SHANK2: variants seen among roughly 807,000 people sequenced by gnomAD.
The protein encoded by SHANK2 is SH3 and multiple ankyrin repeat domains 2.
In SHANK2, 43 loss-of-function variants were observed where a neutral mutation model predicts 133.7. That is an observed-to-expected ratio of 0.32 (90% CI 0.25 to 0.41). The LOEUF (loss-of-function observed/expected upper bound fraction) is 0.41. Among genes scored for constraint, SHANK2 ranks in the 10% least tolerant of loss-of-function variants. The pLI, the probability that SHANK2 is intolerant of heterozygous loss-of-function variation, is 1.00. For synonymous variants in SHANK2, 1,017 were observed against 952.8 expected (o/e 1.07, Z -1.24); for missense variants, 1,994 against 2,235.8 (o/e 0.89, Z 2.18).
chr11:71,108,403 G>A (rs2135207875), intron 6 of SHANK2, among the ~76,000 whole-genome samples: 1 of 152,200 alleles, frequency 6.6e-6, no homozygotes, highest in East Asian at 1.9e-4. Flanking sequence ...CCCACTGCCT[G>A]CCCCACAGCT....
At chr11:70,632,813 G>A (rs1238548032) in intron 17 of SHANK2, among the ~76,000 whole-genome samples, 2 of 152,196 alleles carry the variant, frequency 1.3e-5, no homozygotes, top group African/African-American at 4.8e-5. Flanking sequence ...TGTTGATCTG[G>A]AAGGTAACTC....
intron 11 of SHANK2, among the ~76,000 whole-genome samples, chr11:70,858,700 C>A (rs1250276526): frequency 6.6e-6 from 1 of 152,252 alleles, no homozygotes; most frequent in Admixed American, 6.5e-5. Flanking sequence ...GAACAGAACC[C>A]AGACCCCTGA....
intron 10 of SHANK2, among the ~76,000 whole-genome samples, chr11:70,949,322 T>C (rs1555086030): frequency 6.6e-6 from 1 of 152,044 alleles, no homozygotes; most frequent in Non-Finnish European, 1.5e-5. Context: ...CACAGCAACG[T>C]CCCCAGGCCT....
chr11:70,745,263 G>A (rs1175219421), intron 14 of SHANK2, among the ~76,000 whole-genome samples: 1 of 152,208 alleles, frequency 6.6e-6, no homozygotes, highest in African/African-American at 2.4e-5. Flanking sequence ...TCTGCCTCAT[G>A]TAAGTAGCAG....
intron 17 of SHANK2, among the ~76,000 whole-genome samples, chr11:70,568,742 GGAA>G (rs1285505154): frequency 6.7e-6 from 1 of 150,342 alleles, no homozygotes; most frequent in Non-Finnish European, 1.5e-5. Flanking sequence ...TGGTCCGTCT[GGAA>G]GAAGCCAGGT....
chr11:70,716,563 G>T (rs1230697251), intron 14 of SHANK2, among the ~76,000 whole-genome samples: 2 of 152,118 alleles, frequency 1.3e-5, no homozygotes, highest in African/African-American at 4.8e-5. Context: ...CTCCATCAGG[G>T]TGCCTTCTTG....
intron 3 of SHANK2, among the ~76,000 whole-genome samples, chr11:71,122,397 C>T (rs1321872579): frequency 1.3e-5 from 2 of 152,060 alleles, no homozygotes; most frequent in Admixed American, 1.3e-4. Flanking sequence ...ATCGCAAGGA[C>T]AGAAAACCAA....
chr11:70,475,217 G>A (rs2058647495), intron 25 of SHANK2: 1 of 152,210 alleles, frequency 6.6e-6, no homozygotes, highest in Non-Finnish European at 1.5e-5. Context: ...GGACACTGGT[G>A]GGCCGTGAGG....
At chr11:71,058,952 C>G (rs981528311) in intron 9 of SHANK2, among the ~76,000 whole-genome samples, 13,167 of 152,254 alleles carry the variant, frequency 0.086, 1,902 homozygotes, top group African/African-American at 0.3. Context: ...CGGTGGCTCA[C>G]GTCTGTAATC....
At chr11:70,840,729 G>A (rs1788690) in intron 11 of SHANK2, among the ~76,000 whole-genome samples, 2 of 152,166 alleles carry the variant, frequency 1.3e-5, no homozygotes, top group Non-Finnish European at 2.9e-5. Context: ...GGGCTGGGGG[G>A]CCATATCGGG....
intron 10 of SHANK2, among the ~76,000 whole-genome samples, chr11:70,940,050 T>G (rs986827641): frequency 6.6e-6 from 1 of 151,998 alleles, no homozygotes; most frequent in African/African-American, 2.4e-5. Flanking sequence ...CACCCAGAGC[T>G]GGAGGAGATG....
intron 17 of SHANK2, among the ~76,000 whole-genome samples, chr11:70,590,103 T>A (rs2060302634): frequency 6.6e-6 from 1 of 152,120 alleles, no homozygotes; most frequent in South Asian, 2.1e-4. Flanking sequence ...TGCAGTGAGC[T>A]GAGATCAGAG....
chr11:70,624,371 C>T (rs782199719), intron 17 of SHANK2, among the ~76,000 whole-genome samples: 3 of 152,028 alleles, frequency 2.0e-5, no homozygotes, highest in African/African-American at 4.8e-5. Flanking sequence ...GCCAGCTCTG[C>T]GGCCCTCAGA....
At chr11:70,600,128 A>G (rs1554990650) in intron 17 of SHANK2, among the ~76,000 whole-genome samples, 1 of 152,120 alleles carries the variant, frequency 6.6e-6, no homozygotes, top group Non-Finnish European at 1.5e-5. Context: ...TGATTGGAAA[A>G]TACATATGGA....
chr11:70,765,562 C>G (rs190187933), intron 14 of SHANK2, among the ~76,000 whole-genome samples: 4 of 152,260 alleles, frequency 2.6e-5, no homozygotes, highest in Middle Eastern at 3.4e-3. Flanking sequence ...CGTTAAATTT[C>G]TGTTTGGTTT....
At chr11:70,550,986 G>T (rs1198561597) in intron 17 of SHANK2, among the ~76,000 whole-genome samples, 1 of 152,200 alleles carries the variant, frequency 6.6e-6, no homozygotes, top group African/African-American at 2.4e-5. Context: ...TCTCCAGGAA[G>T]GTCCAGGGAC....
At chr11:71,061,046 C>T (rs1950980660) in intron 9 of SHANK2, among the ~76,000 whole-genome samples, 1 of 152,212 alleles carries the variant, frequency 6.6e-6, no homozygotes, top group South Asian at 2.1e-4. Flanking sequence ...ACAATTAAAT[C>T]CAGAGTTTCA....
chr11:70,751,540 A>G (rs1298632831), intron 14 of SHANK2, among the ~76,000 whole-genome samples: 3 of 152,230 alleles, frequency 2.0e-5, no homozygotes, highest in Non-Finnish European at 4.4e-5. Flanking sequence ...AATGGAATGG[A>G]TATGATACCA....
intron 17 of SHANK2, among the ~76,000 whole-genome samples, chr11:70,591,887 T>C (rs1382305122): frequency 2.0e-5 from 3 of 151,790 alleles, no homozygotes; most frequent in African/African-American, 4.8e-5. Context: ...GGTGTGGTGG[T>C]GTGTGCCTGA....
Sources: gnomAD v4.1 joint callset for allele counts (sites outside exome capture counted in the v4.1 genomes callset) on GRCh38, gnomAD v4.1.1 for gene constraint, MANE v1.5 for transcripts, NCBI Gene and HGNC (gene_info 2026-07-23, HGNC 2026-07-21) for gene names.